Variants in SPATA6 observed in about 807,000 individuals in gnomAD.
The protein encoded by SPATA6 is spermatogenesis-associated protein 6.
Under a neutral mutation model 65.3 loss-of-function variants are expected in SPATA6, and 56 were observed. The observed-to-expected ratio is 0.86, with a 90% confidence interval of 0.69 to 1.07. The LOEUF (loss-of-function observed/expected upper bound fraction) is 1.07. Among genes scored for constraint, SPATA6 ranks in the 50% least tolerant of loss-of-function variants. The pLI is 0.00. For synonymous variants in SPATA6, 199 were observed against 213.2 expected (o/e 0.93, Z 0.58); for missense variants, 590 against 594.8 (o/e 0.99, Z 0.08).
Position 48,436,668 on chromosome 1 carries a change from T to C in SPATA6, c.238+14884A>G, listed in dbSNP as rs1467002574. ...GCACATCAGTGCAGCCGTGGCTGAG[T>C]CCAGAACTACTGAGACAGGATTTAC... On this transcript the variant is annotated intron_variant, in intron 3 of 12. Transcript: ENST00000371847. The C allele has an allele frequency of 5.0e-6, 8 of 1,614,142 alleles. No homozygotes were observed. In the East Asian group the frequency reaches 1.8e-4, roughly 36 times the overall value.
At chr1:48,308,125 T>C (rs1261493734) in intron 11 of SPATA6, among the ~76,000 whole-genome samples, 7 of 152,004 alleles carry the variant, frequency 4.6e-5, no homozygotes, top group Non-Finnish European at 2.9e-5. Flanking sequence ...ATGATTTACA[T>C]TTGCCATTTT....
Position 48,298,683 on chromosome 1 carries a change from G to A in SPATA6, c.*30C>T, listed in dbSNP as rs374077798. ...AACATTTTCATTGAGAAATTGACAC[G>A]GACACTAATGAGGTTTATCATGGAT... On this transcript the variant is annotated 3_prime_UTR_variant, in exon 13 of 13. Coordinates refer to ENST00000371847, the MANE Select transcript of SPATA6 (RefSeq NM_019073.4). 2.6e-5 allele frequency: 41 copies of A among 1,549,438 alleles called. No individual in the cohort carries two copies. The African/African-American group carries it at 4.3e-4, about 16-fold the overall frequency.
rs555064106 is a variant in SPATA6 at position 48,460,215 on chromosome 1, C to T, written c.52-7084G>A. On this transcript the variant is annotated intron_variant, in intron 1 of 12. Coordinates refer to ENST00000371847, the MANE Select transcript of SPATA6 (RefSeq NM_019073.4). ...TCCTAGGCTCAAGTGATCCTCCCAC[C>T]GCAGCCTCACAAAGCACTGGGATTA... Among the ~76,000 whole-genome samples, 24 of 152,184 alleles carry T rather than the reference C, an allele frequency of 1.6e-4. No homozygotes were observed. In the South Asian group the frequency reaches 4.4e-3, roughly 28 times the overall value.
chr1:48,447,812 A>T (rs183584908), intron 3 of SPATA6: 3 of 152,318 alleles, frequency 2.0e-5, no homozygotes, highest in African/African-American at 4.8e-5. Flanking sequence ...TCAAAGAAGA[A>T]ATCAAACCAA....
Position 48,453,111 on chromosome 1 carries a change from C to T in SPATA6, c.72G>A (p.Val24=). The change falls in exon 2 of 13, where the codon GTG becomes GTA. Residue 24 remains valine, a synonymous_variant. Transcript: ENST00000371847. ...EISSVTCPGV[V]LKDKEDIYLS... ...GATAGATGTCCTCTTTGTCTTTAAG[C>T]ACGACTCCTGGGCAAGTTACCTGAA... 6.2e-7 allele frequency: 1 copy of T among 1,612,480 alleles called. No individual in the cohort carries two copies. The highest frequency in any genetic ancestry group is 8.5e-7 in the Non-Finnish European group (1 of 1,179,500).
intron 3 of SPATA6, chr1:48,436,664 T>C: frequency 2.5e-6 from 4 of 1,614,186 alleles, no homozygotes; most frequent in Non-Finnish European, 2.5e-6. Flanking sequence ...CAGCCGTGGC[T>C]GAGTCCAGAA....
At chr1:48,325,265 A>G in intron 11 of SPATA6, 4 of 886,768 alleles carry the variant, frequency 4.5e-6, no homozygotes, top group Non-Finnish European at 7.2e-6. Flanking sequence ...TGGCATAAAC[A>G]AGCCACCAAT....
At chr1:48,272,833 G>T in the SPATA6 span, among the ~76,000 whole-genome samples, 1 of 152,038 alleles carries the variant, frequency 6.6e-6, no homozygotes, top group Admixed American at 6.6e-5. Context: ...CTAACCTGTG[G>T]GAGGTGATAT....
intron 9 of SPATA6, among the ~76,000 whole-genome samples, chr1:48,372,502 C>T (rs78018678): frequency 0.029 from 4,350 of 152,276 alleles, 221 homozygotes; most frequent in African/African-American, 0.1. Context: ...GCTGCTTTCA[C>T]GGGCTGGCAT....
At chr1:48,401,977 G>C (rs990576029) in intron 6 of SPATA6, among the ~76,000 whole-genome samples, 1 of 152,032 alleles carries the variant, frequency 6.6e-6, no homozygotes. Flanking sequence ...AATGTTACAT[G>C]CTAGGCATAT....
intron 3 of SPATA6, among the ~76,000 whole-genome samples, chr1:48,429,766 G>A (rs1180260309): frequency 6.6e-6 from 1 of 151,996 alleles, no homozygotes; most frequent in African/African-American, 2.4e-5. Flanking sequence ...AACAATGTAT[G>A]AACAAAATGG....
At chr1:48,293,054 TGAA>T (rs1331153112), downstream of SPATA6, among the ~76,000 whole-genome samples, 1 of 152,230 alleles carries the variant, frequency 6.6e-6, no homozygotes, top group East Asian at 1.9e-4. Context: ...TGGGGTCATC[TGAA>T]GACCAGGCCG....
chr1:48,280,404 TGAGA>T, the SPATA6 span, among the ~76,000 whole-genome samples: 12 of 152,092 alleles, frequency 7.9e-5, no homozygotes, highest in Non-Finnish European at 1.6e-4. Flanking sequence ...GCTGTTTTTT[TGAGA>T]GAATCAACAA....
intron 2 of SPATA6, among the ~76,000 whole-genome samples, chr1:48,452,636 G>A (rs540367926): frequency 1.3e-5 from 2 of 152,070 alleles, no homozygotes; most frequent in South Asian, 2.1e-4. Flanking sequence ...CACCCGCCTC[G>A]GCCTCCCAAA....
At chr1:48,367,492 C>T (rs1647062474) in intron 9 of SPATA6, among the ~76,000 whole-genome samples, 1 of 152,188 alleles carries the variant, frequency 6.6e-6, no homozygotes, top group African/African-American at 2.4e-5. Context: ...GTATTTGGTG[C>T]ATATATATTT....
the SPATA6 span, among the ~76,000 whole-genome samples, chr1:48,274,532 G>A: frequency 3.9e-5 from 6 of 152,094 alleles, no homozygotes; most frequent in African/African-American, 9.7e-5. Flanking sequence ...GTATAAGGAA[G>A]GGGTCCAGTT....
At chr1:48,286,667 G>A in the SPATA6 span, among the ~76,000 whole-genome samples, 20 of 152,022 alleles carry the variant, frequency 1.3e-4, 1 homozygote, top group Non-Finnish European at 2.9e-5. Context: ...ATTCTGGCTA[G>A]GTAATATAGT....
intron 8 of SPATA6, among the ~76,000 whole-genome samples, 165 bp downstream of exon 8, chr1:48,395,102 T>C (rs1350259172): frequency 1.3e-5 from 2 of 152,120 alleles, no homozygotes; most frequent in Admixed American, 6.6e-5. Context: ...AGAGAGTATA[T>C]AGTTACTTTT....
At chr1:48,310,922 A>G (rs1341406708) in intron 11 of SPATA6, among the ~76,000 whole-genome samples, 1 of 152,194 alleles carries the variant, frequency 6.6e-6, no homozygotes, top group Non-Finnish European at 1.5e-5. Context: ...ATAGCAGAAG[A>G]AAATTTGGGT....
Sources: allele counts gnomAD v4.1 joint callset (sites outside exome capture counted in the v4.1 genomes callset), GRCh38; gene constraint gnomAD v4.1.1; transcripts MANE v1.5; gene names NCBI Gene and HGNC (gene_info 2026-07-23, HGNC 2026-07-21).